TCF12: variants seen among roughly 807,000 people sequenced by gnomAD.
TCF12 encodes the protein transcription factor 12.
TCF12 carries 45 observed loss-of-function variants against 86.0 expected under a neutral mutation model. The observed-to-expected ratio is 0.52, with a 90% CI of 0.41 to 0.67. TCF12 has a LOEUF of 0.67. Among genes scored for constraint, TCF12 ranks in the 30% least tolerant of loss-of-function variants. The probability of loss-of-function intolerance (pLI) is 0.00; values close to 1 mark genes in which losing one functional copy is unlikely to be tolerated. For missense variants in TCF12, 881 were observed against 859.9 expected (o/e 1.02, Z -0.31); for synonymous variants, 330 against 299.6 (o/e 1.10, Z -1.05).
rs112234465 is a variant in TCF12, at chr15:57,187,547, TTTAAG to T, written c.391-4610_391-4606del. ...TAATTGCAAAAAAATCTCATAATGT[TTTAAG>T]AAAGTTTACAAATTTGTGTTGAGCC... On this transcript the variant is annotated intron_variant, in intron 6 of 20. Transcript: ENST00000333725. 1.4e-4 allele frequency among the ~76,000 whole-genome samples: 22 copies of T among 152,214 alleles called. 4 individuals carry two copies. The highest frequency in any genetic ancestry group is 5.3e-4 in the African/African-American group (22 of 41,536).
At chr15:57,179,899 C>T (rs1160459555) in intron 6 of TCF12, among the ~76,000 whole-genome samples, 1 of 152,042 alleles carries the variant, frequency 6.6e-6, no homozygotes, top group African/African-American at 2.4e-5. Context: ...TTAGACAAAA[C>T]ACTAGAGAGG....
intron 17 of TCF12, among the ~76,000 whole-genome samples, chr15:57,262,720 C>G (rs2060645057): frequency 6.6e-6 from 1 of 152,180 alleles, no homozygotes; most frequent in Admixed American, 6.5e-5. Context: ...ATAAAGTTCT[C>G]CCAGTTACAT....
chr15:57,206,741 T>G lies in TCF12; in HGVS notation c.579+8916T>G, dbSNP rs548536328. The stretch of plus-strand genomic sequence containing the variant: ...CCCAGGAGGTGGAGAGTTTATTGTA[T>G]TACAGACACTTAACTTAAACTTAGA... On this transcript the variant is annotated intron_variant, in intron 8 of 20. Transcript: ENST00000333725. Among the ~76,000 whole-genome samples the G allele has an allele frequency of 3.3e-5, 5 of 151,702 alleles. No homozygotes were observed. In the East Asian group the frequency reaches 9.7e-4, roughly 29 times the overall value.
intron 3 of TCF12, among the ~76,000 whole-genome samples, chr15:56,952,200 A>ACT (rs1160511674): frequency 6.6e-6 from 1 of 151,818 alleles, no homozygotes; most frequent in Non-Finnish European, 1.5e-5. Context: ...ACACACACAC[A>ACT]CACACACAAA....
At chr15:57,120,172 A>G (rs1278427439) in intron 5 of TCF12, among the ~76,000 whole-genome samples, 3 of 152,162 alleles carry the variant, frequency 2.0e-5, no homozygotes, top group Non-Finnish European at 2.9e-5. Flanking sequence ...TCGGATGTAC[A>G]TTGGTAATGG....
Position 57,158,184 on chromosome 15 carries a change from G to GTTTTTTTTTTT in TCF12, c.326-8215_326-8214insTTTTTTTTTTT. ...ACAGATGTTAAAGTCTCAGAAAGTC[G>GTTTTTTTTTTT]TTTCTTTTTTTTTTTTTTCTTTGAG... On this transcript the variant is annotated intron_variant, in intron 5 of 20. Coordinates refer to ENST00000333725, the MANE Select transcript of TCF12 (RefSeq NM_207037.2). Among the ~76,000 whole-genome samples the GTTTTTTTTTTT allele has an allele frequency of 1.5e-5, 2 of 134,086 alleles. 1 individual carries two copies. The allele number at this position is 134,086 out of a possible 152,430, so 88.0% of individuals were successfully genotyped here. A position where few individuals can be genotyped will look rare whatever the true frequency, so the allele number is the denominator to read the frequency against.
chr15:56,976,715 G>A (rs1642936), intron 3 of TCF12, among the ~76,000 whole-genome samples: 27,014 of 152,020 alleles, frequency 0.18, 2,835 homozygotes, highest in Non-Finnish European at 0.23. Context: ...CTCCCACCCA[G>A]ACAGTTGAAT....
At chr15:57,077,942 C>T (rs1183573854) in intron 4 of TCF12, among the ~76,000 whole-genome samples, 2 of 151,892 alleles carry the variant, frequency 1.3e-5, no homozygotes, top group Non-Finnish European at 1.5e-5. Flanking sequence ...TTTATTGTCT[C>T]GTCTATGAGA....
At chr15:57,152,042 A>C (rs543802921) in intron 5 of TCF12, among the ~76,000 whole-genome samples, 1 of 152,344 alleles carries the variant, frequency 6.6e-6, no homozygotes, top group East Asian at 1.9e-4. Flanking sequence ...CACCCCAGCC[A>C]CGTGCTAAAC....
At chr15:57,015,240 ATT>A (rs1428139274) in intron 3 of TCF12, among the ~76,000 whole-genome samples, 1 of 152,182 alleles carries the variant, frequency 6.6e-6, no homozygotes, top group Non-Finnish European at 1.5e-5. Context: ...GTGAGCCAAG[ATT>A]GTGCCACTGC....
intron 3 of TCF12, among the ~76,000 whole-genome samples, chr15:57,018,532 G>A (rs1034187434): frequency 6.6e-6 from 1 of 151,470 alleles, no homozygotes; most frequent in African/African-American, 2.4e-5. Flanking sequence ...GCAAGATCTC[G>A]GCTCACCGCA....
chr15:56,957,384 C>T (rs2061545191), intron 3 of TCF12, among the ~76,000 whole-genome samples: 1 of 152,106 alleles, frequency 6.6e-6, no homozygotes, highest in Admixed American at 6.5e-5. Flanking sequence ...GAAGTTTTGC[C>T]ACAGCTCACT....
intron 3 of TCF12, among the ~76,000 whole-genome samples, chr15:56,964,948 C>T (rs2061936930): frequency 6.6e-6 from 1 of 152,186 alleles, no homozygotes; most frequent in East Asian, 1.9e-4. Flanking sequence ...TGTTTGGTCC[C>T]AGAGCCAGTG....
intron 4 of TCF12, among the ~76,000 whole-genome samples, chr15:57,087,064 T>TCTTC (rs1241505152): frequency 7.3e-6 from 1 of 136,818 alleles, no homozygotes; most frequent in Non-Finnish European, 1.6e-5. Context: ...TCCCTCTGTC[T>TCTTC]CCCTCTCTCT....
At chr15:57,168,354 A>G (rs565548274) in intron 6 of TCF12, among the ~76,000 whole-genome samples, 1 of 152,308 alleles carries the variant, frequency 6.6e-6, no homozygotes, top group South Asian at 2.1e-4. Context: ...AAAAATAGAA[A>G]AGCAGCAATT....
At position 56,967,948 on chromosome 15, in the gene TCF12, A is replaced by ATGTT. The variant is rs113947083; in HGVS notation, c.148+46868_148+46871dup. 6.8e-3 allele frequency among the ~76,000 whole-genome samples: 1,039 copies of ATGTT among 151,992 alleles called. 5 individuals carry two copies. The highest frequency in any genetic ancestry group is 0.011 in the Non-Finnish European group (742 of 67,912). On this transcript the variant is annotated intron_variant, in intron 3 of 20. Coordinates refer to ENST00000333725, the MANE Select transcript of TCF12 (RefSeq NM_207037.2). ...TTTAGCTTCTCATTGGTTGCTAATT[A>ATGTT]TGTTTGTTTGTTTGTTTGTTTTTTT... is the stretch of plus-strand genomic sequence containing the variant.
intron 18 of TCF12, among the ~76,000 whole-genome samples, chr15:57,264,958 GAC>G (rs1199690360): frequency 6.6e-6 from 1 of 151,940 alleles, no homozygotes; most frequent in African/African-American, 2.4e-5. Context: ...TCGAACTCCT[GAC>G]CTCCAGTGAT....
At chr15:57,251,888 T>A (rs1181497891) in intron 14 of TCF12, among the ~76,000 whole-genome samples, 1 of 152,232 alleles carries the variant, frequency 6.6e-6, no homozygotes, top group African/African-American at 2.4e-5. Context: ...AAAGTATTAT[T>A]TCCCATGTTT....
At chr15:57,029,162 G>A (rs2065997450) in intron 3 of TCF12, among the ~76,000 whole-genome samples, 1 of 152,050 alleles carries the variant, frequency 6.6e-6, no homozygotes, top group Admixed American at 6.6e-5. Flanking sequence ...GGTTCTTCCA[G>A]TGTGAAAGAG....
Sources: allele counts gnomAD v4.1 joint callset (sites outside exome capture counted in the v4.1 genomes callset), GRCh38; gene constraint gnomAD v4.1.1; transcripts MANE v1.5; gene names NCBI Gene and HGNC (gene_info 2026-07-23, HGNC 2026-07-21).